Variants in SMAD9 observed in about 807,000 individuals in gnomAD.
The protein encoded by SMAD9 is MAD homolog 9.
Under a neutral mutation model 46.1 loss-of-function variants are expected in SMAD9, and 36 were observed. That is an observed-to-expected ratio of 0.78 (90% CI 0.60 to 1.03). SMAD9 has a LOEUF of 1.03. Among genes scored for constraint, SMAD9 ranks in the 50% least tolerant of loss-of-function variants. The pLI, the probability that SMAD9 is intolerant of heterozygous loss-of-function variation, is 0.00. For missense variants in SMAD9, 572 were observed against 599.8 expected (o/e 0.95, Z 0.48); for synonymous variants, 245 against 237.1 (o/e 1.03, Z -0.31).
intron 1 of SMAD9, among the ~76,000 whole-genome samples, chr13:36,915,381 G>A (rs1295450853): frequency 1.3e-5 from 2 of 152,072 alleles, no homozygotes. Flanking sequence ...AACTCTCCTC[G>A]GGACTGAGGA....
intron 1 of SMAD9, among the ~76,000 whole-genome samples, chr13:36,882,439 G>A (rs1045965133): frequency 2.0e-5 from 3 of 152,142 alleles, no homozygotes; most frequent in African/African-American, 7.2e-5. Flanking sequence ...CATCCCTTGG[G>A]GAATTCCCAA....
At chr13:36,908,127 T>C (rs1286862684) in intron 1 of SMAD9, among the ~76,000 whole-genome samples, 1 of 152,242 alleles carries the variant, frequency 6.6e-6, no homozygotes, top group Non-Finnish European at 1.5e-5. Context: ...AAGAAAGTAC[T>C]GTTTTTAAAA....
intron 1 of SMAD9, among the ~76,000 whole-genome samples, chr13:36,914,925 T>C (rs2058687596): frequency 6.6e-6 from 1 of 152,228 alleles, no homozygotes. Context: ...ACATTAACCA[T>C]TGCACAATTA....
At chr13:36,863,618 G>C (rs2058204547) in intron 5 of SMAD9, among the ~76,000 whole-genome samples, 1 of 152,194 alleles carries the variant, frequency 6.6e-6, no homozygotes, top group African/African-American at 2.4e-5. Flanking sequence ...GATCTCTCAT[G>C]ATCTGCTTGG....
intron 1 of SMAD9, among the ~76,000 whole-genome samples, chr13:36,881,670 G>A (rs1451996410): frequency 1.3e-5 from 2 of 152,200 alleles, no homozygotes; most frequent in Non-Finnish European, 2.9e-5. Flanking sequence ...CTTTTCGCTT[G>A]GCAGTTTGAC....
At chr13:36,906,984 TA>T (rs2058624822) in intron 1 of SMAD9, among the ~76,000 whole-genome samples, 1 of 151,596 alleles carries the variant, frequency 6.6e-6, no homozygotes, top group Non-Finnish European at 1.5e-5. Context: ...GAAAACAACC[TA>T]AACATCCATC....
At chr13:36,919,582 C>T (rs943209538) in intron 1 of SMAD9, among the ~76,000 whole-genome samples, 1 of 151,906 alleles carries the variant, frequency 6.6e-6, no homozygotes, top group African/African-American at 2.4e-5. Flanking sequence ...ACAATGACGA[C>T]CCCCGCCGCC....
intron 1 of SMAD9, among the ~76,000 whole-genome samples, chr13:36,897,751 T>C (rs891531342): frequency 6.6e-6 from 1 of 152,108 alleles, no homozygotes; most frequent in African/African-American, 2.4e-5. Flanking sequence ...GCATTTTCAG[T>C]TATAATTGCT....
chr13:36,860,213 T>C (rs2058167371), intron 5 of SMAD9, among the ~76,000 whole-genome samples: 2 of 152,126 alleles, frequency 1.3e-5, no homozygotes, highest in Admixed American at 1.3e-4. Context: ...AATCCTTATG[T>C]CAAGATAATT....
chr13:36,879,447 C>T lies in SMAD9; in HGVS notation c.243G>A (p.Val81=). The change falls in exon 2 of 7, where the codon GTG becomes GTA. Residue 81 remains valine (V), a synonymous_variant. Transcript: ENST00000379826. The part of the protein sequence containing the change: ...IPRSLDGRLQ[V]SHRKGLPHVI... ...CATGGGGCAGGCCCTTGCGGTGGGA[C>T]ACCTGCAGCCGCCCGTCCAGGGAGC... 6.2e-7 allele frequency: 1 copy of T among 1,613,754 alleles called. No homozygotes were observed. The highest frequency in any genetic ancestry group is 8.5e-7 in the Non-Finnish European group (1 of 1,180,032).
intron 1 of SMAD9, among the ~76,000 whole-genome samples, chr13:36,896,774 T>C (rs1303083029): frequency 2.0e-5 from 3 of 152,242 alleles, no homozygotes; most frequent in African/African-American, 7.2e-5. Flanking sequence ...GTATTTTTTC[T>C]AAATAAACTT....
intron 5 of SMAD9, among the ~76,000 whole-genome samples, chr13:36,863,842 A>G: frequency 6.6e-6 from 1 of 152,124 alleles, no homozygotes. Context: ...TGGGCCAAAT[A>G]AACCTCTTTT....
chr13:36,864,761 T>G (rs2058215663), intron 5 of SMAD9, among the ~76,000 whole-genome samples: 5 of 152,086 alleles, frequency 3.3e-5, no homozygotes, highest in Admixed American at 3.3e-4. Flanking sequence ...ACAATGAATC[T>G]CCCCTGGAAA....
rs78603096 is a variant in SMAD9 at position 36,881,084 on chromosome 13, T to A, written c.-186-1209A>T. Among the ~76,000 whole-genome samples, 25 of 152,354 alleles carry A rather than the reference T, an allele frequency of 1.6e-4. No homozygotes were observed. In the East Asian group the frequency reaches 3.7e-3, roughly 22 times the overall value. The stretch of plus-strand genomic sequence containing the variant: ...AAAAGCACAGCTGTCACATTTGTTA[T>A]TTGGCCTAAAATCAGCTTAATTCTT... On this transcript the variant is annotated intron_variant, in intron 1 of 6. Transcript: ENST00000379826.
At chr13:36,860,365 A>C (rs548266924) in intron 5 of SMAD9, among the ~76,000 whole-genome samples, 17 of 151,930 alleles carry the variant, frequency 1.1e-4, no homozygotes, top group African/African-American at 3.9e-4. Context: ...TATTTTCAGG[A>C]TACGCTTGAT....
chr13:36,854,618 C>G (rs113948637), intron 5 of SMAD9, among the ~76,000 whole-genome samples: 1 of 152,118 alleles, frequency 6.6e-6, no homozygotes, highest in East Asian at 1.9e-4. Flanking sequence ...GTAATCCACC[C>G]GCCTCGGCCT....
At chr13:36,857,626 G>C (rs1208083183) in intron 5 of SMAD9, among the ~76,000 whole-genome samples, 1 of 152,018 alleles carries the variant, frequency 6.6e-6, no homozygotes, top group Non-Finnish European at 1.5e-5. Context: ...TGAATGACAG[G>C]AAATGACTGG....
chr13:36,866,572 T>C (rs2058236969), intron 4 of SMAD9, among the ~76,000 whole-genome samples: 2 of 152,222 alleles, frequency 1.3e-5, no homozygotes, highest in South Asian at 4.1e-4. Flanking sequence ...CTATATGCAT[T>C]AAATATAAAT....
At chr13:36,864,273 A>G (rs1292575789) in intron 5 of SMAD9, among the ~76,000 whole-genome samples, 2 of 152,180 alleles carry the variant, frequency 1.3e-5, no homozygotes, top group Admixed American at 6.5e-5. Flanking sequence ...CCTCCTTGTC[A>G]GGAAACCTAG....
Sources: allele counts gnomAD v4.1 joint callset (sites outside exome capture counted in the v4.1 genomes callset), GRCh38; gene constraint gnomAD v4.1.1; transcripts MANE v1.5; gene names NCBI Gene and HGNC (gene_info 2026-07-23, HGNC 2026-07-21).